Variants in CACNA2D1 observed in about 807,000 individuals in gnomAD.
CACNA2D1 encodes calcium voltage-gated channel auxiliary subunit alpha2delta 1.
Under a neutral mutation model 171.5 loss-of-function variants are expected in CACNA2D1, and 53 were observed. That is an observed-to-expected ratio of 0.31 (90% CI 0.25 to 0.39). The LOEUF is 0.39. CACNA2D1 is among the 10% of genes least tolerant of loss of function. The probability of loss-of-function intolerance (pLI) is 1.00; values close to 1 mark genes in which losing one functional copy is unlikely to be tolerated. For missense variants in CACNA2D1, 903 were observed against 1,299.8 expected, an observed-to-expected ratio of 0.69 and a Z score of 4.69; for synonymous variants, 442 against 443.1, an observed-to-expected ratio of 1.00 and a Z score of 0.03.
chr7:82,064,495 TC>T (rs1807359089), intron 8 of CACNA2D1, 141 bp from the exon 9 acceptor site: 1 of 579,720 alleles, frequency 1.7e-6, no homozygotes, highest in Admixed American at 2.6e-5. Flanking sequence ...ACAATGGTTT[TC>T]CATTCATATT....
chr7:82,271,977 T>C (rs1317652591), intron 3 of CACNA2D1, among the ~76,000 whole-genome samples: 1 of 152,068 alleles, frequency 6.6e-6, no homozygotes, highest in Admixed American at 6.6e-5. Flanking sequence ...TTTATAATCC[T>C]AGACAGTAGA....
chr7:82,424,431 T>C (rs1463924935), intron 1 of CACNA2D1, among the ~76,000 whole-genome samples: 2 of 152,232 alleles, frequency 1.3e-5, no homozygotes, highest in African/African-American at 4.8e-5. Context: ...ATTAATACTT[T>C]ATAACTGGGG....
At chr7:82,238,398 G>A (rs141273759) in intron 3 of CACNA2D1, among the ~76,000 whole-genome samples, 1 of 151,820 alleles carries the variant, frequency 6.6e-6, no homozygotes, top group African/African-American at 2.4e-5. Context: ...ATTAAAAATG[G>A]TCCTATTAAA....
At chr7:82,267,923 G>A (rs1483294664) in intron 3 of CACNA2D1, among the ~76,000 whole-genome samples, 2 of 152,132 alleles carry the variant, frequency 1.3e-5, no homozygotes, top group African/African-American at 4.8e-5. Context: ...TGTGAACCCA[G>A]GAGGCACAGC....
chr7:82,378,967 G>C (rs1823356357), intron 1 of CACNA2D1, among the ~76,000 whole-genome samples: 1 of 151,462 alleles, frequency 6.6e-6, no homozygotes, highest in Non-Finnish European at 1.5e-5. Context: ...GTGTGTGTGT[G>C]TGTGTGTGTG....
In CACNA2D1 at chr7:82,060,414, C is replaced by T. The variant is rs1806719867; in HGVS notation, c.879+14G>A. 6.5e-7 allele frequency: 1 copy of T among 1,540,726 alleles called. No individual in the cohort carries two copies. The highest frequency in any genetic ancestry group is 9.0e-7 in the Non-Finnish European group (1 of 1,117,278). Reference sequence around the variant, plus strand: ...CAAATTTAATTCAGGAAAATGCAGTCATCTTATACTTACTGAAGCTACATT... The same window carrying T: ...CAAATTTAATTCAGGAAAATGCAGTTATCTTATACTTACTGAAGCTACATT... On this transcript the variant is annotated intron_variant, in intron 10 of 38. Transcript: ENST00000356860.
chr7:82,232,774 G>A (rs1803094600), intron 3 of CACNA2D1, among the ~76,000 whole-genome samples: 1 of 144,778 alleles, frequency 6.9e-6, no homozygotes, highest in Non-Finnish European at 1.5e-5. Flanking sequence ...TGAGGCAGGA[G>A]AATTGCTTGA....
intron 6 of CACNA2D1, among the ~76,000 whole-genome samples, chr7:82,097,887 G>A (rs978601748): frequency 2.2e-5 from 3 of 136,270 alleles, no homozygotes; most frequent in Admixed American, 1.5e-4. Flanking sequence ...GCCGAGGCAG[G>A]CAGATCACTT....
chr7:82,399,420 A>G (rs752337387), intron 1 of CACNA2D1, among the ~76,000 whole-genome samples: 1 of 151,844 alleles, frequency 6.6e-6, no homozygotes, highest in Non-Finnish European at 1.5e-5. Flanking sequence ...AGCCTGGACA[A>G]CAGAGCAAGA....
At chr7:82,162,363 CT>C (rs1190714142) in intron 4 of CACNA2D1, among the ~76,000 whole-genome samples, 1 of 151,540 alleles carries the variant, frequency 6.6e-6, no homozygotes, top group East Asian at 2.0e-4. Context: ...AGTGAAAAAA[CT>C]TTTTGATTAA....
At chr7:82,179,196 C>CCA (rs1796862894) in intron 3 of CACNA2D1, among the ~76,000 whole-genome samples, 1 of 151,982 alleles carries the variant, frequency 6.6e-6, no homozygotes, top group African/African-American at 2.4e-5. Flanking sequence ...TAATTCCACT[C>CCA]TGGGGTCTTA....
intron 38 of CACNA2D1, among the ~76,000 whole-genome samples, chr7:81,957,270 T>C (rs755389715): frequency 5.9e-5 from 9 of 152,142 alleles, no homozygotes; most frequent in Non-Finnish European, 1.3e-4. Context: ...AAATATTGAA[T>C]ATGTTTCATT....
chr7:82,222,097 G>A (rs1801837084), intron 3 of CACNA2D1, among the ~76,000 whole-genome samples: 1 of 152,136 alleles, frequency 6.6e-6, no homozygotes, highest in Admixed American at 6.5e-5. Flanking sequence ...TAAGCAAAAT[G>A]GGGTTTCTGC....
chr7:82,431,948 G>C lies in CACNA2D1; in HGVS notation c.95+11417C>G, dbSNP rs1019732429. Among the ~76,000 whole-genome samples the C allele has an allele frequency of 3.4e-5, 5 of 146,552 alleles. No homozygotes were observed. The East Asian group carries it at 1.0e-3, about 30-fold the overall frequency. On this transcript the variant is annotated intron_variant, in intron 1 of 38. Coordinates refer to ENST00000356860, the MANE Select transcript of CACNA2D1 (RefSeq NM_000722.4). ...AGCTACTAGGGAGGCTGAGGCAGGA[G>C]AATCACTTGAACCCAGGAGGTGGAG...
At chr7:82,285,333 A>G (rs1166051447) in intron 3 of CACNA2D1, among the ~76,000 whole-genome samples, 1 of 151,426 alleles carries the variant, frequency 6.6e-6, no homozygotes, top group Non-Finnish European at 1.5e-5. Context: ...AATCCTTTGA[A>G]CCCCCTACAC....
chr7:82,180,768 A>G (rs1797038961), intron 3 of CACNA2D1, among the ~76,000 whole-genome samples: 1 of 152,056 alleles, frequency 6.6e-6, no homozygotes, highest in Non-Finnish European at 1.5e-5. Context: ...GCGGGGGTCA[A>G]CAGGAGGCCA....
intron 6 of CACNA2D1, among the ~76,000 whole-genome samples, chr7:82,087,182 T>A (rs974674188): frequency 2.6e-5 from 4 of 152,158 alleles, no homozygotes; most frequent in Non-Finnish European, 4.4e-5. Context: ...TGTAGTAAGA[T>A]GTAAGAATAC....
At chr7:82,400,094 G>A (rs1424863072) in intron 1 of CACNA2D1, among the ~76,000 whole-genome samples, 1 of 150,590 alleles carries the variant, frequency 6.6e-6, no homozygotes, top group Non-Finnish European at 1.5e-5. Flanking sequence ...ATGCTGTTTT[G>A]GTTACTGTAG....
chr7:82,354,657 C>T (rs866247140), intron 1 of CACNA2D1, among the ~76,000 whole-genome samples: 25 of 152,130 alleles, frequency 1.6e-4, no homozygotes, highest in African/African-American at 5.1e-4. Context: ...AAATGGGAGG[C>T]TTAAAAAGAA....
Sources: gnomAD v4.1 joint callset for allele counts (sites outside exome capture counted in the v4.1 genomes callset) on GRCh38, gnomAD v4.1.1 for gene constraint, MANE v1.5 for transcripts, NCBI Gene and HGNC (gene_info 2026-07-23, HGNC 2026-07-21) for gene names.